The following SCGB2B2 variants were observed in gnomAD, a reference collection of about 807,000 sequenced individuals.
SCGB2B2 encodes the protein secretoglobin family 2B member 2, also known as secretoglobin-like protein.
Under a neutral mutation model 7.6 loss-of-function variants are expected in SCGB2B2, and 11 were observed. The observed-to-expected ratio is 1.45, with a 90% CI of 0.91 to 2.40. SCGB2B2 has a LOEUF of 2.40. Ranked by LOEUF, SCGB2B2 falls within the 30% of genes most tolerant of loss-of-function variation. SCGB2B2 has a pLI of 0.00. For missense variants in SCGB2B2, 104 were observed against 115.4 expected (o/e 0.90, Z 0.45); for synonymous variants, 50 against 48.6 (o/e 1.03, Z -0.12).
rs762278948 is a variant in SCGB2B2, at chr19:34,594,237, T to C, written c.184A>G (p.Asn62Asp). 8 of 1,613,988 alleles carry C rather than the reference T, an allele frequency of 5.0e-6. No individual in the cohort carries two copies. Among genetic ancestry groups the C allele is most frequent in the South Asian group, 1.1e-5 (1 of 91,084 alleles). The change falls in exon 3 of 4, where the codon AAT (asparagine) becomes GAT (aspartate). Residue 62 changes from asparagine to aspartate, a missense_variant. Asn to Asp is a conservative substitution (Grantham distance 23). Coordinates refer to ENST00000601241, the MANE Select transcript of SCGB2B2 (RefSeq NM_001025591.4). ...ACATTGGCAAAGCATTGCTGGACAT[T>C]GAGGAAGGACTCCTCTGTCAGGGGA... is the stretch of plus-strand genomic sequence containing the variant. ...PSPLTEESFLNVQQCFANVSV... is the reference protein window; with the variant it reads ...PSPLTEESFLDVQQCFANVSV...
chr19:34,598,423 G>C (rs879616499), intron 1 of SCGB2B2, among the ~76,000 whole-genome samples: 2 of 152,190 alleles, frequency 1.3e-5, no homozygotes, highest in African/African-American at 4.8e-5. Context: ...CCTTGGGGCT[G>C]AGGATAGGGC....
chr19:34,668,945 G>T (rs2067721961), intron 1 of SCGB2B2, among the ~76,000 whole-genome samples: 1 of 152,104 alleles, frequency 6.6e-6, no homozygotes, highest in Non-Finnish European at 1.5e-5. Flanking sequence ...CCAGCCAGCA[G>T]TGGCAACCAG....
intron 1 of SCGB2B2, among the ~76,000 whole-genome samples, chr19:34,621,686 A>C (rs1261294872): frequency 6.6e-6 from 1 of 152,214 alleles, no homozygotes; most frequent in African/African-American, 2.4e-5. Context: ...TTTTTCATTA[A>C]TTAAAACTTT....
intron 1 of SCGB2B2, among the ~76,000 whole-genome samples, chr19:34,649,443 G>A (rs2067106754): frequency 6.6e-6 from 1 of 152,036 alleles, no homozygotes; most frequent in African/African-American, 2.4e-5. Flanking sequence ...AGTGTAATGT[G>A]TAATTATTAT....
intron 1 of SCGB2B2, among the ~76,000 whole-genome samples, chr19:34,634,302 G>A (rs2066616085): frequency 6.6e-6 from 1 of 152,138 alleles, no homozygotes; most frequent in South Asian, 2.1e-4. Context: ...CAGGGAAGCG[G>A]AGGGAGTACA....
intron 1 of SCGB2B2, among the ~76,000 whole-genome samples, chr19:34,647,929 T>G (rs1225850320): frequency 6.6e-6 from 1 of 151,950 alleles, no homozygotes; most frequent in East Asian, 1.9e-4. Flanking sequence ...CAGGTGAAGG[T>G]CTGGGGCAGA....
intron 1 of SCGB2B2, chr19:34,645,982 C>T: frequency 3.0e-6 from 1 of 330,514 alleles, no homozygotes; most frequent in South Asian, 2.8e-5. Flanking sequence ...AACCCCAGCC[C>T]CCTGACAGAG....
At chr19:34,604,945 G>T (rs1298035834) in intron 1 of SCGB2B2, among the ~76,000 whole-genome samples, 2 of 152,174 alleles carry the variant, frequency 1.3e-5, no homozygotes, top group African/African-American at 4.8e-5. Context: ...TGAAAAACCA[G>T]AAAATTACCA....
At chr19:34,597,329 G>A (rs1224487685) in intron 1 of SCGB2B2, among the ~76,000 whole-genome samples, 3 of 152,056 alleles carry the variant, frequency 2.0e-5, no homozygotes, top group Non-Finnish European at 4.4e-5. Flanking sequence ...TGACCAGATC[G>A]TGCACTTTCT....
At chr19:34,607,368 G>A (rs960157962) in intron 1 of SCGB2B2, among the ~76,000 whole-genome samples, 1 of 152,140 alleles carries the variant, frequency 6.6e-6, no homozygotes, top group Non-Finnish European at 1.5e-5. Context: ...CCATTGACAG[G>A]CATTTAGGTT....
chr19:34,604,861 G>A (rs1017463005), intron 1 of SCGB2B2, among the ~76,000 whole-genome samples: 1 of 151,982 alleles, frequency 6.6e-6, no homozygotes, highest in Non-Finnish European at 1.5e-5. Flanking sequence ...TATTATAACA[G>A]CTTTAATGAA....
chr19:34,639,245 C>A (rs16969584), intron 1 of SCGB2B2, among the ~76,000 whole-genome samples: 2,980 of 152,256 alleles, frequency 0.02, 43 homozygotes, highest in East Asian at 0.065. Context: ...TTCACAAATG[C>A]CAATGCCTCC....
intron 1 of SCGB2B2, among the ~76,000 whole-genome samples, chr19:34,649,999 G>A (rs575976319): frequency 1.3e-5 from 2 of 151,270 alleles, no homozygotes; most frequent in African/African-American, 4.9e-5. Context: ...CCACTCCTAA[G>A]TCATCCCCTA....
In SCGB2B2 at chr19:34,645,525, GACACACACAGACACAGACACAC is replaced by G. The variant is rs1372005630; in HGVS notation, c.-2032+30083_-2032+30104del. Reference sequence around the variant, plus strand: ...ATACACAGACACACAGACACACACAGACACACACAGACACAGACACACACACACACACACACACACACACACA... The same window carrying G: ...ATACACAGACACACAGACACACACAGACACACACACACACACACACACACA... On this transcript the variant is annotated intron_variant, in intron 1 of 3. Coordinates refer to ENST00000601241, the MANE Select transcript of SCGB2B2 (RefSeq NM_001025591.4). The G allele has an allele frequency of 4.0e-3, 563 of 139,802 alleles. 1 individual carries two copies. The highest frequency in any genetic ancestry group is 0.012 in the Middle Eastern group (3 of 256). The allele number at this position is 139,802 out of a possible 1,614,324, so 8.7% of individuals were successfully genotyped here. A position where few individuals can be genotyped will look rare whatever the true frequency, so the allele number is the denominator to read the frequency against.
chr19:34,676,511 A>T lies in SCGB2B2; in HGVS notation c.-2913T>A, dbSNP rs1181629946. 1 of 152,162 alleles carries T rather than the reference A, an allele frequency of 6.6e-6. No individual in the cohort carries two copies. 9.4% of individuals were successfully genotyped at this position (152,162 alleles called of 1,614,324 possible). ...TAGCACATCATCAAGCAATAAATAC[A>T]AGTATCCCTAGTCCAGCAGCCCAAG... On this transcript the variant is annotated 5_prime_UTR_variant, in exon 1 of 4. Transcript: ENST00000601241.
intron 1 of SCGB2B2, among the ~76,000 whole-genome samples, chr19:34,652,528 T>G (rs2067187481): frequency 6.6e-6 from 1 of 151,324 alleles, no homozygotes; most frequent in Admixed American, 6.6e-5. Flanking sequence ...CACATACATA[T>G]GGCCAACAGG....
intron 1 of SCGB2B2, among the ~76,000 whole-genome samples, chr19:34,607,859 G>A (rs1395485529): frequency 6.6e-6 from 1 of 152,084 alleles, no homozygotes; most frequent in African/African-American, 2.4e-5. Context: ...TCAAATATAT[G>A]GTTTACAAAT....
At chr19:34,599,265 C>T (rs575766028) in intron 1 of SCGB2B2, among the ~76,000 whole-genome samples, 4 of 152,318 alleles carry the variant, frequency 2.6e-5, no homozygotes, top group African/African-American at 9.6e-5. Context: ...GTGGGGAGGA[C>T]GACCCAGCTG....
At chr19:34,648,240 G>A (rs2067073719) in intron 1 of SCGB2B2, among the ~76,000 whole-genome samples, 1 of 152,152 alleles carries the variant, frequency 6.6e-6, no homozygotes, top group South Asian at 2.1e-4. Context: ...AAAAATATAT[G>A]CTTTCAACAT....
Sources: allele counts gnomAD v4.1 joint callset (sites outside exome capture counted in the v4.1 genomes callset), GRCh38; gene constraint gnomAD v4.1.1; transcripts MANE v1.5; gene names NCBI Gene and HGNC (gene_info 2026-07-23, HGNC 2026-07-21).